The following METTL8 variants were observed in gnomAD, a reference collection of about 807,000 sequenced individuals.
The protein encoded by METTL8 is tRNA N(3)-cytidine methyltransferase METTL8, mitochondrial.
METTL8 carries 32 observed loss-of-function variants against 48.7 expected under a neutral mutation model. The ratio of observed to expected loss-of-function variants is 0.66; its 90% CI spans 0.50 to 0.88. The LOEUF is 0.88. METTL8 is among the 40% of genes least tolerant of loss of function. The pLI, the probability that METTL8 is intolerant of heterozygous loss-of-function variation, is 0.00. For synonymous variants in METTL8, 136 were observed against 157.1 expected (o/e 0.87, Z 1.01); for missense variants, 464 against 474.4 (o/e 0.98, Z 0.20).
At chr2:171,345,640 A>G (rs920519747) in intron 3 of METTL8, among the ~76,000 whole-genome samples, 4 of 152,212 alleles carry the variant, frequency 2.6e-5, no homozygotes, top group African/African-American at 9.6e-5. Flanking sequence ...CATTTTCTCA[A>G]TGGTAAGGTA....
At position 171,317,803 on chromosome 2, in the gene METTL8, T is replaced by C. The variant is rs1453596784; in HGVS notation, c.*6369A>G. The C allele has an allele frequency of 1.3e-5, 2 of 152,172 alleles. No individual in the cohort carries two copies. Among genetic ancestry groups the C allele is most frequent in the African/African-American group, 4.8e-5 (2 of 41,414 alleles). 9.4% of individuals were successfully genotyped at this position (152,172 alleles called of 1,614,324 possible). The stretch of plus-strand genomic sequence containing the variant: ...GGTGGGCTGTCTGACCATCTGGAGA[T>C]TTCAGTGTGCTCCATCCATCTCATG... On this transcript the variant is annotated 3_prime_UTR_variant, in exon 10 of 10. Coordinates refer to ENST00000375258, the MANE Select transcript of METTL8 (RefSeq NM_001321154.2).
intron 7 of METTL8, 107 bp from the exon 8 acceptor site, chr2:171,326,255 A>T: frequency 1.6e-6 from 1 of 640,628 alleles, no homozygotes; most frequent in South Asian, 2.1e-5. Context: ...ATAAGGCCAA[A>T]GAAATCTAAA....
At chr2:171,431,376 A>G (rs1319815859) in intron 1 of METTL8, among the ~76,000 whole-genome samples, 1 of 152,226 alleles carries the variant, frequency 6.6e-6, no homozygotes, top group Non-Finnish European at 1.5e-5. Flanking sequence ...GGGGGCAACC[A>G]GCAACCTGCT....
intron 2 of METTL8, among the ~76,000 whole-genome samples, chr2:171,383,069 G>T (rs1355515187): frequency 6.6e-6 from 1 of 151,994 alleles, no homozygotes; most frequent in Admixed American, 6.6e-5. Context: ...GCAAGACTCT[G>T]TGTGAAAAAA....
chr2:171,407,538 G>A (rs758646629), intron 1 of METTL8, among the ~76,000 whole-genome samples: 3 of 152,140 alleles, frequency 2.0e-5, no homozygotes, highest in Non-Finnish European at 2.9e-5. Context: ...AAATGCCTAT[G>A]AAAGAGAAAG....
chr2:171,430,390 T>C (rs950725105), intron 1 of METTL8, among the ~76,000 whole-genome samples: 1 of 151,808 alleles, frequency 6.6e-6, no homozygotes, highest in Non-Finnish European at 1.5e-5. Context: ...AGGGAGCCTG[T>C]CTAGGGGCTA....
At chr2:171,344,489 TG>T (rs760587417) in intron 3 of METTL8, among the ~76,000 whole-genome samples, 15 of 152,256 alleles carry the variant, frequency 9.9e-5, no homozygotes, top group Non-Finnish European at 1.9e-4. Flanking sequence ...AAAACCTCAG[TG>T]TGGCTTACAA....
intron 2 of METTL8, among the ~76,000 whole-genome samples, chr2:171,390,882 C>T (rs1004074092): frequency 2.6e-5 from 4 of 152,116 alleles, no homozygotes; most frequent in Non-Finnish European, 5.9e-5. Context: ...AGACAAAATT[C>T]TAAATATTAA....
upstream of METTL8, chr2:171,434,157 C>T: frequency 2.8e-6 from 1 of 351,330 alleles, no homozygotes; most frequent in South Asian, 2.1e-5. Flanking sequence ...GAGGCGGGGC[C>T]GCGGCAGGCA....
intron 7 of METTL8, chr2:171,327,172 C>T (rs1251804512): frequency 6.6e-6 from 1 of 152,188 alleles, no homozygotes; most frequent in Non-Finnish European, 1.5e-5. Context: ...AGCAGGGAGC[C>T]TTTGCTTTTC....
At chr2:171,360,360 A>C in intron 3 of METTL8, 62 bp downstream of exon 3, 1 of 1,386,750 alleles carries the variant, frequency 7.2e-7, no homozygotes, top group Non-Finnish European at 1.0e-6. Context: ...AAGCAATGAC[A>C]CGAGGAGGAG....
intron 4 of METTL8, among the ~76,000 whole-genome samples, chr2:171,338,258 G>A (rs186258681): frequency 1.3e-5 from 2 of 152,186 alleles, no homozygotes; most frequent in East Asian, 3.9e-4. Context: ...TATTTACAGA[G>A]AATTTTTAAA....
chr2:171,431,817 G>C (rs1268553278), intron 1 of METTL8, among the ~76,000 whole-genome samples: 4 of 150,142 alleles, frequency 2.7e-5, no homozygotes, highest in Non-Finnish European at 6.0e-5. Context: ...AGGCTGCAGA[G>C]GGCAGATCTA....
At chr2:171,381,607 T>C (rs1687544236) in intron 2 of METTL8, among the ~76,000 whole-genome samples, 1 of 152,112 alleles carries the variant, frequency 6.6e-6, no homozygotes, top group South Asian at 2.1e-4. Flanking sequence ...CAGACACTTC[T>C]CAAAAGAAGA....
chr2:171,341,404 T>C (rs1372937666), intron 3 of METTL8, among the ~76,000 whole-genome samples: 1 of 151,920 alleles, frequency 6.6e-6, no homozygotes, highest in African/African-American at 2.4e-5. Flanking sequence ...ATTTATTTAT[T>C]TATTTTATAT....
At chr2:171,383,019 A>G (rs1687719616) in intron 2 of METTL8, among the ~76,000 whole-genome samples, 1 of 152,198 alleles carries the variant, frequency 6.6e-6, no homozygotes, top group Non-Finnish European at 1.5e-5. Flanking sequence ...GTTTGCAGTG[A>G]GCTGAGATCG....
At chr2:171,403,137 G>A (rs1324502867) in intron 1 of METTL8, among the ~76,000 whole-genome samples, 1 of 152,074 alleles carries the variant, frequency 6.6e-6, no homozygotes, top group African/African-American at 2.4e-5. Context: ...CATTAAGTGT[G>A]GGCAGCACAT....
intron 1 of METTL8, among the ~76,000 whole-genome samples, chr2:171,425,309 T>C (rs1692291817): frequency 6.6e-6 from 1 of 152,158 alleles, no homozygotes; most frequent in African/African-American, 2.4e-5. Flanking sequence ...GAGCAACTCT[T>C]TGTGGCAGCA....
At chr2:171,407,011 G>A (rs1690249176) in intron 1 of METTL8, among the ~76,000 whole-genome samples, 1 of 152,120 alleles carries the variant, frequency 6.6e-6, no homozygotes, top group South Asian at 2.1e-4. Context: ...GAAATATTTG[G>A]TTTGATCTGG....
Sources: gnomAD v4.1 joint callset for allele counts (sites outside exome capture counted in the v4.1 genomes callset) on GRCh38, gnomAD v4.1.1 for gene constraint, MANE v1.5 for transcripts, NCBI Gene and HGNC (gene_info 2026-07-23, HGNC 2026-07-21) for gene names.